ESR1: variants seen among roughly 807,000 people sequenced by gnomAD.
The protein encoded by ESR1 is estrogen receptor.
In ESR1, 12 loss-of-function variants were observed where a neutral mutation model predicts 52.7. The observed-to-expected ratio is 0.23, with a 90% CI of 0.15 to 0.37. ESR1 has a LOEUF of 0.37. Among genes scored for constraint, ESR1 ranks in the 10% least tolerant of loss-of-function variants. The pLI is 1.00. For missense variants in ESR1, 584 were observed against 779.7 expected, an observed-to-expected ratio of 0.75 and a Z score of 2.99; for synonymous variants, 305 against 316.8, an observed-to-expected ratio of 0.96 and a Z score of 0.39.
chr6:151,781,389 C>T (rs1471943637), intron 2 of ESR1, among the ~76,000 whole-genome samples: 1 of 152,236 alleles, frequency 6.6e-6, no homozygotes, highest in Non-Finnish European at 1.5e-5. Context: ...GCATGAATCC[C>T]ATCCATGAAG....
intron 2 of ESR1, among the ~76,000 whole-genome samples, chr6:151,850,035 T>TGC (rs1786137867): frequency 1.4e-5 from 1 of 72,572 alleles, no homozygotes; most frequent in East Asian, 5.4e-4. Context: ...AAATTATATA[T>TGC]ATATATAATT....
At chr6:152,011,584 C>T (rs548406983) in intron 4 of ESR1, 72 bp from the exon 5 acceptor site, 1 of 1,566,454 alleles carries the variant, frequency 6.4e-7, no homozygotes. Context: ...GTTCAAATCC[C>T]TGTTGCATTA....
chr6:152,099,659 T>C lies in ESR1; in HGVS notation c.*693T>C, dbSNP rs1211966315. ...ATGTGCTGAAAGCTCTGCCTCTGGC[T>C]TTCCGGTCATGGGTTCCAGTTAATT... On this transcript the variant is annotated 3_prime_UTR_variant, in exon 8 of 8. Coordinates refer to ENST00000206249, the MANE Select transcript of ESR1 (RefSeq NM_000125.4). The C allele has an allele frequency of 1.6e-5, 4 of 257,302 alleles. No homozygotes were observed. Among genetic ancestry groups the C allele is most frequent in the African/African-American group, 4.3e-5 (2 of 46,166 alleles). 15.9% of individuals were successfully genotyped at this position (257,302 alleles called of 1,614,324 possible).
intron 1 of ESR1, among the ~76,000 whole-genome samples, chr6:151,837,121 C>CT (rs11372738): frequency 0.43 from 57,331 of 134,406 alleles, 12,453 homozygotes; most frequent in Non-Finnish European, 0.47. Context: ...AGACATCCCT[C>CT]TTTTTTTTTT....
At chr6:151,975,511 G>A (rs1264291973) in intron 4 of ESR1, among the ~76,000 whole-genome samples, 3 of 151,998 alleles carry the variant, frequency 2.0e-5, no homozygotes, top group Non-Finnish European at 2.9e-5. Flanking sequence ...ATGCCATTGC[G>A]GTCATTGGCT....
chr6:151,829,527 G>A (rs1782047564), intron 1 of ESR1, among the ~76,000 whole-genome samples: 1 of 152,152 alleles, frequency 6.6e-6, no homozygotes, highest in Non-Finnish European at 1.5e-5. Flanking sequence ...ACGGTCATGG[G>A]AGTGCTAAGA....
chr6:152,108,814 G>A (rs746946236), intron 6 of ESR1, among the ~76,000 whole-genome samples: 2 of 152,174 alleles, frequency 1.3e-5, no homozygotes, highest in Non-Finnish European at 2.9e-5. Flanking sequence ...GAATTACCAC[G>A]TTTAGATTTG....
At chr6:151,959,806 T>C (rs1326206331) in intron 4 of ESR1, among the ~76,000 whole-genome samples, 1 of 152,234 alleles carries the variant, frequency 6.6e-6, no homozygotes, top group Non-Finnish European at 1.5e-5. Context: ...TAAGATTTCT[T>C]GACCTCCAGA....
At chr6:151,665,380 A>G (rs551068999) in intron 1 of ESR1, among the ~76,000 whole-genome samples, 2 of 152,236 alleles carry the variant, frequency 1.3e-5, no homozygotes, top group Admixed American at 1.3e-4. Context: ...ATCATTGTTA[A>G]TTTCATCGTT....
intron 4 of ESR1, among the ~76,000 whole-genome samples, chr6:151,969,708 C>T (rs1042513329): frequency 3.3e-4 from 51 of 152,298 alleles, no homozygotes; most frequent in African/African-American, 1.1e-3. Flanking sequence ...CGGGCAGCTT[C>T]GGCTGACTTG....
intron 1 of ESR1, 57 bp downstream of exon 1, chr6:151,808,421 AG>A: frequency 8.9e-6 from 2 of 224,702 alleles, no homozygotes; most frequent in Non-Finnish European, 1.6e-5. Context: ...GGAGGGAGGG[AG>A]GGAGGGAGGG....
intron 2 of ESR1, among the ~76,000 whole-genome samples, chr6:151,861,308 T>A (rs979393118): frequency 5.9e-5 from 9 of 152,202 alleles, no homozygotes; most frequent in Admixed American, 5.9e-4. Flanking sequence ...TTATAATTGC[T>A]ACCTGAAAAT....
At chr6:152,020,856 G>A (rs1356615037) in intron 5 of ESR1, among the ~76,000 whole-genome samples, 1 of 152,068 alleles carries the variant, frequency 6.6e-6, no homozygotes, top group Non-Finnish European at 1.5e-5. Context: ...TTTATTTTTA[G>A]TGTCATGCTA....
chr6:151,913,150 A>T (rs1293648463), intron 3 of ESR1, among the ~76,000 whole-genome samples: 1 of 152,204 alleles, frequency 6.6e-6, no homozygotes, highest in Non-Finnish European at 1.5e-5. Flanking sequence ...CCATTTTACC[A>T]GTTGAGTATT....
chr6:151,662,058 A>G (rs1478301673), intron 1 of ESR1, among the ~76,000 whole-genome samples: 2 of 152,166 alleles, frequency 1.3e-5, no homozygotes, highest in African/African-American at 2.4e-5. Flanking sequence ...GCCAGGTGTG[A>G]ATGTATTAAC....
At chr6:151,791,741 C>T (rs1776175179) in intron 2 of ESR1, among the ~76,000 whole-genome samples, 1 of 152,060 alleles carries the variant, frequency 6.6e-6, no homozygotes, top group Admixed American at 6.5e-5. Flanking sequence ...GTGTTTTCCT[C>T]CTATAATTCT....
chr6:151,699,009 C>A (rs1397236352), intron 1 of ESR1, among the ~76,000 whole-genome samples: 1 of 152,134 alleles, frequency 6.6e-6, no homozygotes, highest in Admixed American at 6.5e-5. Flanking sequence ...AAGCAGAAAG[C>A]AAAGGTCTCC....
At chr6:152,115,054 G>T (rs1261982848) in intron 6 of ESR1, among the ~76,000 whole-genome samples, 1 of 152,020 alleles carries the variant, frequency 6.6e-6, no homozygotes, top group Non-Finnish European at 1.5e-5. Context: ...TGTTTAAAGT[G>T]CTTTCCCCAC....
intron 3 of ESR1, among the ~76,000 whole-genome samples, chr6:151,910,807 A>G (rs1003243153): frequency 3.3e-5 from 5 of 152,216 alleles, no homozygotes; most frequent in Admixed American, 1.3e-4. Flanking sequence ...CCTTCGATGT[A>G]CATAATATAT....
Sources: gnomAD v4.1 joint callset for allele counts (sites outside exome capture counted in the v4.1 genomes callset) on GRCh38, gnomAD v4.1.1 for gene constraint, MANE v1.5 for transcripts, NCBI Gene and HGNC (gene_info 2026-07-23, HGNC 2026-07-21) for gene names.